The following EEIG1 variants were observed in gnomAD, a reference collection of about 807,000 sequenced individuals.
EEIG1 encodes estrogen-induced osteoclastogenesis regulator 1, also known as early estrogen-induced gene 1 protein.
the EEIG1 span, among the ~76,000 whole-genome samples, chr9:127,954,408 AT>A: frequency 6.6e-6 from 1 of 152,218 alleles, no homozygotes; most frequent in African/African-American, 2.4e-5. Context: ...CAGCCAGTAG[AT>A]AGCTGAGCTG....
the EEIG1 span, chr9:127,944,362 T>G: frequency 3.4e-6 from 2 of 588,456 alleles, no homozygotes; most frequent in African/African-American, 3.7e-5. Context: ...CAGGCATTGC[T>G]GGAGGTGACC....
the EEIG1 span, among the ~76,000 whole-genome samples, chr9:127,973,495 G>C: frequency 6.6e-6 from 1 of 152,210 alleles, no homozygotes; most frequent in South Asian, 2.1e-4. This position sits in a 1 kb window ranked among gnomAD's most constrained non-coding sequence, Gnocchi z 4.2. Flanking sequence ...AGATCATCTC[G>C]GGTCAGGGCT....
chr9:127,977,708 A>G, the EEIG1 span, among the ~76,000 whole-genome samples: 2 of 152,214 alleles, frequency 1.3e-5, no homozygotes, highest in South Asian at 4.1e-4. Context: ...ATTTTACAGA[A>G]AAGGAAACTG....
the EEIG1 span, among the ~76,000 whole-genome samples, chr9:127,976,371 T>A: frequency 6.6e-6 from 1 of 152,172 alleles, no homozygotes; most frequent in Non-Finnish European, 1.5e-5. The surrounding 1 kb of genome is among the most constrained non-coding windows in gnomAD (Gnocchi z 4.1). Context: ...AATCATCTAT[T>A]TGAGGGGCTA....
At chr9:127,962,791 G>C in the EEIG1 span, among the ~76,000 whole-genome samples, 271 of 152,300 alleles carry the variant, frequency 1.8e-3, no homozygotes, top group Middle Eastern at 3.4e-3. Context: ...CACTCTGGGA[G>C]GCTAAGACAG....
At chr9:127,942,680 G>A in the EEIG1 span, 1 of 166,670 alleles carries the variant, frequency 6.0e-6, no homozygotes, top group South Asian at 1.4e-4. Context: ...AGTCACAGGT[G>A]GCAGGATTCC....
the EEIG1 span, chr9:127,943,267 C>T: frequency 6.2e-7 from 1 of 1,610,318 alleles, no homozygotes; most frequent in Admixed American, 1.7e-5. Context: ...CAGCATGTCC[C>T]CCTCGATACC....
chr9:127,975,975 C>T, the EEIG1 span, among the ~76,000 whole-genome samples: 1 of 152,204 alleles, frequency 6.6e-6, no homozygotes, highest in Admixed American at 6.5e-5. Context: ...CAGTGCCAGC[C>T]CAGGCCTGGC....
chr9:127,951,238 C>T, the EEIG1 span, among the ~76,000 whole-genome samples: 1 of 152,200 alleles, frequency 6.6e-6, no homozygotes, highest in Non-Finnish European at 1.5e-5. Flanking sequence ...ACTTGGAAGA[C>T]ATCTCCGGTT....
the EEIG1 span, among the ~76,000 whole-genome samples, chr9:127,955,643 C>A: frequency 6.6e-6 from 1 of 152,220 alleles, no homozygotes; most frequent in Non-Finnish European, 1.5e-5. Flanking sequence ...AGGTGACATT[C>A]AAGCTCAGGA....
the EEIG1 span, among the ~76,000 whole-genome samples, chr9:127,958,162 G>A: frequency 6.6e-6 from 1 of 152,182 alleles, no homozygotes; most frequent in African/African-American, 2.4e-5. Flanking sequence ...GTGTGTGAGG[G>A]GGGTGGTGCA....
chr9:127,951,590 C>T, the EEIG1 span, among the ~76,000 whole-genome samples: 23 of 151,960 alleles, frequency 1.5e-4, no homozygotes, highest in East Asian at 5.8e-4. Flanking sequence ...CCAAGGCAGG[C>T]GGATCACGAG....
At chr9:127,948,536 C>G in the EEIG1 span, 1 of 963,220 alleles carries the variant, frequency 1.0e-6, no homozygotes, top group Non-Finnish European at 1.6e-6. Context: ...GTCTCTCTGC[C>G]CCCTCCTGGC....
the EEIG1 span, chr9:127,941,506 G>C: frequency 1.3e-5 from 2 of 152,552 alleles, no homozygotes; most frequent in African/African-American, 4.8e-5. Flanking sequence ...TCTCCAGCGC[G>C]AGCGAACACT....
At chr9:127,970,923 C>A in the EEIG1 span, among the ~76,000 whole-genome samples, 1 of 152,224 alleles carries the variant, frequency 6.6e-6, no homozygotes, top group Admixed American at 6.5e-5. Flanking sequence ...ATTGGATTTG[C>A]GCACCTCCCC....
chr9:127,961,762 G>A, the EEIG1 span, among the ~76,000 whole-genome samples: 9 of 148,628 alleles, frequency 6.1e-5, no homozygotes, highest in Non-Finnish European at 8.8e-5. Flanking sequence ...AGACTGAAGC[G>A]AGTGGCCACA....
chr9:127,975,418 C>T, the EEIG1 span, among the ~76,000 whole-genome samples: 1 of 152,198 alleles, frequency 6.6e-6, no homozygotes, highest in Admixed American at 6.5e-5. Context: ...CACAGGCTGT[C>T]TGTTTCTTGG....
At chr9:127,965,100 C>A in the EEIG1 span, among the ~76,000 whole-genome samples, 1 of 89,404 alleles carries the variant, frequency 1.1e-5, no homozygotes, top group Non-Finnish European at 1.9e-5. Context: ...CAGAGCAAGA[C>A]TGTCTCAAAA....
chr9:127,950,708 C>A, the EEIG1 span: 2 of 1,401,908 alleles, frequency 1.4e-6, no homozygotes, highest in African/African-American at 2.9e-5. Flanking sequence ...AGGACAGAGG[C>A]CCCGGGTCGG....
Sources: allele counts gnomAD v4.1 joint callset (sites outside exome capture counted in the v4.1 genomes callset), GRCh38; gene constraint gnomAD v4.1.1; non-coding constraint Gnocchi (gnomAD v3.1); transcripts MANE v1.5; gene names NCBI Gene and HGNC (gene_info 2026-07-23, HGNC 2026-07-21).